The following ETFBKMT variants were observed in gnomAD, a reference collection of about 807,000 sequenced individuals.
The protein encoded by ETFBKMT is electron transfer flavoprotein beta subunit lysine methyltransferase.
ETFBKMT carries 13 observed loss-of-function variants against 18.3 expected under a neutral mutation model. The observed-to-expected ratio is 0.71, with a 90% CI of 0.46 to 1.13. The LOEUF (loss-of-function observed/expected upper bound fraction) is 1.13, where lower values mean the gene tolerates loss of function less well. Among genes scored for constraint, ETFBKMT ranks in the 50% most tolerant of loss-of-function variants. The probability of loss-of-function intolerance (pLI) is 0.00; values close to 1 mark genes in which losing one functional copy is unlikely to be tolerated. For synonymous variants in ETFBKMT, 84 were observed against 107.9 expected (o/e 0.78, Z 1.37); for missense variants, 293 against 306.2 (o/e 0.96, Z 0.32).
In ETFBKMT at chr12:31,672,578, T is replaced by G. The variant is rs1951302728; in HGVS notation, c.*4588T>G. 2 of 466,672 alleles carry G rather than the reference T, an allele frequency of 4.3e-6. No individual in the cohort carries two copies. Among genetic ancestry groups the G allele is most frequent in the Admixed American group, 7.1e-5 (2 of 28,044 alleles). 28.9% of individuals were successfully genotyped at this position (466,672 alleles called of 1,614,324 possible). ...ACTATTATTAGGTGTAGTGCACCTA[T>G]CATGGTATTACTTGTTTAAAAAAAA... On this transcript the variant is annotated 3_prime_UTR_variant, in exon 4 of 4. Coordinates refer to ENST00000357721, the MANE Select transcript of ETFBKMT (RefSeq NM_001135863.2).
At chr12:31,657,569 G>A (rs149699091), upstream of ETFBKMT, among the ~76,000 whole-genome samples, 15 of 152,102 alleles carry the variant, frequency 9.9e-5, no homozygotes, top group Non-Finnish European at 1.5e-4. Flanking sequence ...CGAGGTGGGC[G>A]GATCACGAGG....
rs540018835 is a variant in ETFBKMT at position 31,648,623 on chromosome 12, G to A, written c.-114+1368G>A. 1.3e-3 allele frequency among the ~76,000 whole-genome samples: 185 copies of A among 143,738 alleles called. 1 individual carries two copies. The highest frequency in any genetic ancestry group is 4.3e-3 in the African/African-American group (167 of 38,482). 94.3% of individuals were successfully genotyped at this position (143,738 alleles called of 152,430 possible). ...GTCTCCCAGGCTGGAGTTCAGTGGCGCAATCTCGGCTCACTGCAAGCTCTG... is the reference window on the plus strand; with the variant it reads ...GTCTCCCAGGCTGGAGTTCAGTGGCACAATCTCGGCTCACTGCAAGCTCTG... On this transcript the variant is annotated intron_variant, in intron 1 of 3. Coordinates refer to the ETFBKMT transcript ENST00000412352.
At position 31,672,220 on chromosome 12, in the gene ETFBKMT, A is replaced by T; in HGVS notation, c.*4230A>T. On this transcript the variant is annotated 3_prime_UTR_variant, in exon 4 of 4. Coordinates refer to ENST00000357721, the MANE Select transcript of ETFBKMT (RefSeq NM_001135863.2). ...ATAATTAAAAATAGTGTTAACATTA[A>T]GTAGAATGCAAATCTCTATAGATGG... is the stretch of plus-strand genomic sequence containing the variant. 1.2e-6 allele frequency: 1 copy of T among 866,048 alleles called. No individual in the cohort carries two copies. The highest frequency in any genetic ancestry group is 1.7e-5 in the African/African-American group (1 of 58,998). The allele number at this position is 866,048 out of a possible 1,614,324, so 53.6% of individuals were successfully genotyped here.
At chr12:31,650,493 C>G (rs1160380178) in intron 1 of ETFBKMT, among the ~76,000 whole-genome samples, 1 of 152,138 alleles carries the variant, frequency 6.6e-6, no homozygotes, top group Non-Finnish European at 1.5e-5. Flanking sequence ...CTTTCTTAAA[C>G]TTGCTTTCAC....
At position 31,666,182 on chromosome 12, in the gene ETFBKMT, G is replaced by A; in HGVS notation, c.410G>A (p.Gly137Glu). 3.7e-6 allele frequency: 6 copies of A among 1,614,062 alleles called. No individual in the cohort carries two copies. The highest frequency in any genetic ancestry group is 5.1e-6 in the Non-Finnish European group (6 of 1,179,988). ...GATAIAAKMS[G>E]ASRILANDID... ...ACAGCTATTGCTGCTAAGATGAGTG[G>A]GGCATCAAGGATCTTGGCCAATGAC... The change falls in exon 3 of 4, where the codon GGG becomes GAG. Residue 137 changes from glycine (G) to glutamate (E), a missense_variant. Physicochemically the swap from Gly to Glu is moderately conservative, Grantham distance 98. Coordinates refer to ENST00000357721, the MANE Select transcript of ETFBKMT (RefSeq NM_001135863.2).
intron 1 of ETFBKMT, among the ~76,000 whole-genome samples, chr12:31,660,390 T>G (rs1359837205): frequency 2.0e-5 from 3 of 152,098 alleles, no homozygotes; most frequent in African/African-American, 7.2e-5. Flanking sequence ...TTTTGACCCC[T>G]AAATACTTTA....
chr12:31,670,648 T>A lies in ETFBKMT; in HGVS notation c.*2658T>A, dbSNP rs898261346. 2 of 152,090 alleles carry A rather than the reference T, an allele frequency of 1.3e-5. No homozygotes were observed. The highest frequency in any genetic ancestry group is 1.3e-4 in the Admixed American group (2 of 15,256). The allele number at this position is 152,090 out of a possible 1,614,324, so 9.4% of individuals were successfully genotyped here. On this transcript the variant is annotated 3_prime_UTR_variant, in exon 4 of 4. Coordinates refer to ENST00000357721, the MANE Select transcript of ETFBKMT (RefSeq NM_001135863.2). The stretch of plus-strand genomic sequence containing the variant: ...TGATGCCTGGCTAGTTTTTTTATTT[T>A]GTATTTTTTGTAGACATGGAGTCTT...
chr12:31,663,247 C>T (rs980059363), intron 2 of ETFBKMT, among the ~76,000 whole-genome samples: 5 of 152,130 alleles, frequency 3.3e-5, no homozygotes, highest in Admixed American at 1.3e-4. Context: ...CTCATGCCAC[C>T]ATGCCCGGCT....
chr12:31,649,986 GC>G (rs1479229012), intron 1 of ETFBKMT, among the ~76,000 whole-genome samples: 1 of 4,650 alleles, frequency 2.2e-4, no homozygotes, highest in Non-Finnish European at 4.8e-4. Flanking sequence ...CGAACTCCTG[GC>G]CTCAAGTGAT....
chr12:31,667,662 T>G lies in ETFBKMT; in HGVS notation c.461T>G (p.Ile154Ser). 1.2e-6 allele frequency: 2 copies of G among 1,607,890 alleles called. No individual in the cohort carries two copies. The highest frequency in any genetic ancestry group is 1.3e-5 in the African/African-American group (1 of 74,652). ...NDIDPIAGMAITLNCELNRLN... is the reference protein window; with the variant it reads ...NDIDPIAGMASTLNCELNRLN... ...TTTTTTTAAGTTGCAGGAATGGCTA[T>G]TACACTAAATTGTGAATTGAACAGA... The change falls in exon 4 of 4, where the codon ATT becomes AGT. Residue 154 changes from isoleucine (I) to serine (S), a missense_variant. Ile to Ser is a moderately radical substitution (Grantham distance 142). Coordinates refer to ENST00000357721, the MANE Select transcript of ETFBKMT (RefSeq NM_001135863.2).
Position 31,667,867 on chromosome 12 carries a change from C to T in ETFBKMT, c.666C>T (p.Pro222=), listed in dbSNP as rs183659283. ...TRVLIGDPGR[P]QFSGHSIQHH... The stretch of plus-strand genomic sequence containing the variant: ...TACTGATTGGTGACCCTGGGCGGCC[C>T]CAGTTCAGTGGACACAGCATTCAGC... Residue 222 remains proline, a synonymous_variant, in exon 4 of 4, where the codon CCC becomes CCT. Coordinates refer to ENST00000357721, the MANE Select transcript of ETFBKMT (RefSeq NM_001135863.2). 2 of 1,614,082 alleles carry T rather than the reference C, an allele frequency of 1.2e-6. No homozygotes were observed. The highest frequency in any genetic ancestry group is 1.7e-5 in the Admixed American group (1 of 60,010).
chr12:31,655,094 A>AT (rs1454478430), upstream of ETFBKMT, among the ~76,000 whole-genome samples: 7 of 139,016 alleles, frequency 5.0e-5, no homozygotes, highest in South Asian at 2.3e-4. Context: ...GAACAAAAAG[A>AT]TAAAAAAAAA....
chr12:31,657,791 C>CAA (rs777612236), upstream of ETFBKMT, among the ~76,000 whole-genome samples: 292 of 45,272 alleles, frequency 6.4e-3, 2 homozygotes, highest in Middle Eastern at 0.011. Flanking sequence ...GACTTCATCT[C>CAA]AAAAAAAAAA....
Position 31,671,045 on chromosome 12 carries a change from A to C in ETFBKMT, c.*3055A>C, listed in dbSNP as rs981359916. The C allele has an allele frequency of 6.6e-6, 1 of 152,204 alleles. No homozygotes were observed. The highest frequency in any genetic ancestry group is 6.5e-5 in the Admixed American group (1 of 15,278). The allele number at this position is 152,204 out of a possible 1,614,324, so 9.4% of individuals were successfully genotyped here. On this transcript the variant is annotated 3_prime_UTR_variant, in exon 4 of 4. Transcript: ENST00000357721. The stretch of plus-strand genomic sequence containing the variant: ...TAAAAAAGGAGAAATATCAAACTGC[A>C]AACTGTTTTAGGAAGATAAATCCTT...
intron 2 of ETFBKMT, among the ~76,000 whole-genome samples, chr12:31,665,649 AGCCCC>A (rs1475951797): frequency 1.3e-5 from 2 of 152,204 alleles, no homozygotes; most frequent in Non-Finnish European, 2.9e-5. Context: ...CAGACCTGAG[AGCCCC>A]GAACAGAGAT....
chr12:31,655,536 C>T (rs1951054816), upstream of ETFBKMT, among the ~76,000 whole-genome samples: 1 of 152,082 alleles, frequency 6.6e-6, no homozygotes, highest in South Asian at 2.1e-4. Context: ...CCTTATCTTC[C>T]CAAGTGCAAA....
Position 31,668,845 on chromosome 12 carries a change from A to T in ETFBKMT, c.*855A>T, listed in dbSNP as rs568729250. ...CTTTTGATTTTTTCTTATAGCTTCTATCTCTGCTTACGTCACCCATCATTC... is the reference window on the plus strand; with the variant it reads ...CTTTTGATTTTTTCTTATAGCTTCTTTCTCTGCTTACGTCACCCATCATTC... On this transcript the variant is annotated 3_prime_UTR_variant, in exon 4 of 4. Transcript: ENST00000357721. The T allele has an allele frequency of 3.3e-5, 5 of 152,214 alleles. No homozygotes were observed. The South Asian group carries it at 1.0e-3, about 32-fold the overall frequency. The allele number at this position is 152,214 out of a possible 1,614,324, so 9.4% of individuals were successfully genotyped here.
upstream of ETFBKMT, among the ~76,000 whole-genome samples, chr12:31,655,415 C>A (rs771190782): frequency 1.6e-4 from 24 of 152,272 alleles, no homozygotes; most frequent in Non-Finnish European, 2.6e-4. Flanking sequence ...AATAAATCCT[C>A]CCATAAACAA....
upstream of ETFBKMT, among the ~76,000 whole-genome samples, chr12:31,654,981 GGGA>G (rs1951048219): frequency 6.6e-6 from 1 of 151,788 alleles, no homozygotes; most frequent in South Asian, 2.1e-4. Flanking sequence ...GCTTGAACCC[GGGA>G]GGAGAAGGTT....
Sources: gnomAD v4.1 joint callset for allele counts (sites outside exome capture counted in the v4.1 genomes callset) on GRCh38, gnomAD v4.1.1 for gene constraint, MANE v1.5 for transcripts, NCBI Gene and HGNC (gene_info 2026-07-23, HGNC 2026-07-21) for gene names.